NAGLU: variants seen among roughly 807,000 people sequenced by gnomAD.
NAGLU encodes alpha-N-acetylglucosaminidase.
Under a neutral mutation model 43.4 loss-of-function variants are expected in NAGLU, and 34 were observed. The ratio of observed to expected loss-of-function variants is 0.78; its 90% CI spans 0.60 to 1.04. The LOEUF (loss-of-function observed/expected upper bound fraction) is 1.04. NAGLU is among the 50% of genes least tolerant of loss of function. The probability of loss-of-function intolerance (pLI) is 0.00; values close to 1 mark genes in which losing one functional copy is unlikely to be tolerated. For synonymous variants in NAGLU, 425 were observed against 437.6 expected, an observed-to-expected ratio of 0.97 and a Z score of 0.36; for missense variants, 910 against 993.7, an observed-to-expected ratio of 0.92 and a Z score of 1.13.
Position 42,536,514 on chromosome 17 carries a change from C to A in NAGLU, c.242C>A (p.Thr81Lys). 7.9e-7 allele frequency: 1 copy of A among 1,271,430 alleles called. No homozygotes were observed. The allele number at this position is 1,271,430 out of a possible 1,614,324, so 78.8% of individuals were successfully genotyped here. Residue 81 changes from threonine to lysine, a missense_variant, in exon 1 of 6, where the codon ACG becomes AAG. Transcript: ENST00000225927. ...GCGCGCGTGCGGGTGCGCGGCTCCA[C>A]GGGCGTGGCGGCCGCCGCGGGGCTG... Reference protein sequence around the residue: ...GAARVRVRGSTGVAAAAGLHR... With the variant: ...GAARVRVRGSKGVAAAAGLHR...
At chr17:42,538,614 G>A (rs2092913544) in intron 3 of NAGLU, 56 bp from the exon 4 acceptor site, 7 of 1,611,978 alleles carry the variant, frequency 4.3e-6, no homozygotes, top group Non-Finnish European at 5.9e-6. Flanking sequence ...GGAGATGAGG[G>A]CCTTCTCATA....
At chr17:42,538,844 G>A (rs950998795) in intron 4 of NAGLU, 89 bp downstream of exon 4, 20 of 1,465,916 alleles carry the variant, frequency 1.4e-5, no homozygotes, top group Middle Eastern at 1.7e-4. Context: ...GCTCTGGGCC[G>A]GGCGCAGTGG....
Position 42,538,464 on chromosome 17 carries a change from C to T in NAGLU, c.657C>T (p.His219=), listed in dbSNP as rs779235263. Residue 219 remains histidine, a synonymous_variant, in exon 3 of 6, where the codon CAC becomes CAT. Transcript: ENST00000225927. ...ATGGCCCCCTGCCCCCCTCCTGGCA[C>T]ATCAAGCAGCTTTACCTGCAGGTAA... ...TWDGPLPPSW[H]IKQLYLQHRV... is the part of the protein sequence containing the mutation. 2 of 1,614,094 alleles carry T rather than the reference C, an allele frequency of 1.2e-6. No homozygotes were observed. Among genetic ancestry groups the T allele is most frequent in the East Asian group, 2.2e-5 (1 of 44,878 alleles).
In NAGLU at chr17:42,538,764, C is replaced by T; in HGVS notation, c.764+9C>T. ...CCCGAGGCTGTCACCAGGTGAGGTT[C>T]CGCTCACCCCCTCCACTTAGCTCAG... On this transcript the variant is annotated intron_variant, in intron 4 of 5. Coordinates refer to ENST00000225927, the MANE Select transcript of NAGLU (RefSeq NM_000263.4). 1.9e-6 allele frequency: 3 copies of T among 1,613,396 alleles called. No individual in the cohort carries two copies. The highest frequency in any genetic ancestry group is 2.5e-6 in the Non-Finnish European group (3 of 1,179,700).
chr17:42,537,948 C>A (rs2092911560), intron 2 of NAGLU, among the ~76,000 whole-genome samples: 1 of 152,064 alleles, frequency 6.6e-6, no homozygotes, highest in African/African-American at 2.4e-5. Context: ...TCACCTGGTC[C>A]CTTGGATCCA....
In NAGLU at chr17:42,543,356, G is replaced by T. The variant is rs143689867; in HGVS notation, c.1350G>T (p.Gln450His). ...GCATGGCCCCCGAGGGCATCAGCCA[G>T]AACGAAGTGGTCTATTCCCTCATGG... ...GTGMAPEGIS[Q>H]NEVVYSLMAE... is the part of the protein sequence containing the mutation. Residue 450 changes from glutamine to histidine, a missense_variant, in exon 6 of 6, where the codon CAG (glutamine) becomes CAT (histidine). Gln to His is a conservative substitution (Grantham distance 24). Transcript: ENST00000225927. 1 of 1,612,704 alleles carries T rather than the reference G, an allele frequency of 6.2e-7. No individual in the cohort carries two copies. Among genetic ancestry groups the T allele is most frequent in the East Asian group, 2.2e-5 (1 of 44,876 alleles).
Position 42,543,706 on chromosome 17 carries a change from C to T in NAGLU, c.1700C>T (p.Ala567Val), listed in dbSNP as rs1205583310. ...GACCTGCTGGACCTCACTCGGCAGG[C>T]AGTGCAGGAGCTGGTCAGCTTGTAC... is the stretch of plus-strand genomic sequence containing the variant. The part of the protein sequence containing the change: ...RYDLLDLTRQ[A>V]VQELVSLYYE... Residue 567 changes from alanine (A) to valine (V), a missense_variant, in exon 6 of 6, where the codon GCA becomes GTA. Coordinates refer to ENST00000225927, the MANE Select transcript of NAGLU (RefSeq NM_000263.4). The T allele has an allele frequency of 5.0e-6, 8 of 1,612,394 alleles. No homozygotes were observed. The highest frequency in any genetic ancestry group is 6.8e-6 in the Non-Finnish European group (8 of 1,179,996).
At position 42,536,302 on chromosome 17, in the gene NAGLU, G is replaced by T. The variant is rs1244442641; in HGVS notation, c.30G>T (p.Val10=). MEAVAVAAA[V]GVLLLAGAGG... ...AGGCGGTGGCGGTGGCCGCGGCGGT[G>T]GGGGTCCTTCTCCTGGCCGGGGCCG... The change falls in exon 1 of 6, where the codon GTG becomes GTT. Residue 10 remains valine, a synonymous_variant. Coordinates refer to ENST00000225927, the MANE Select transcript of NAGLU (RefSeq NM_000263.4). The T allele has an allele frequency of 3.3e-6, 4 of 1,218,822 alleles. No individual in the cohort carries two copies. The South Asian group carries it at 1.7e-4, about 50-fold the overall frequency. 75.5% of individuals were successfully genotyped at this position (1,218,822 alleles called of 1,614,324 possible).
intron 1 of NAGLU, 131 bp downstream of exon 1, chr17:42,536,786 G>A (rs2092907617): frequency 2.2e-6 from 3 of 1,336,102 alleles, no homozygotes; most frequent in Middle Eastern, 2.8e-4. Flanking sequence ...CAGCAGCTGT[G>A]TGGCCTTGAG....
At chr17:42,540,556 T>C (rs2092918777) in intron 4 of NAGLU, among the ~76,000 whole-genome samples, 1 of 150,538 alleles carries the variant, frequency 6.6e-6, no homozygotes, top group African/African-American at 2.4e-5. Context: ...ATTAGCCGGG[T>C]GTGGTGGCGG....
intron 2 of NAGLU, 92 bp downstream of exon 2, chr17:42,537,637 T>G: frequency 6.6e-7 from 1 of 1,521,144 alleles, no homozygotes; most frequent in Non-Finnish European, 8.9e-7. Flanking sequence ...GCAGTGTCTC[T>G]CTCTAGAAGT....
Position 42,537,463 on chromosome 17 carries a change from G to A in NAGLU, c.449G>A (p.Trp150Ter). Reference sequence around the variant, plus strand: ...TTCGTGTGGTGGGACTGGGCCCGCTGGGAGCGAGAGATAGACTGGATGGCG... The same window carrying A: ...TTCGTGTGGTGGGACTGGGCCCGCTAGGAGCGAGAGATAGACTGGATGGCG... ...YSFVWWDWAR[W>*]EREIDWMALN... is the part of the protein sequence containing the mutation. The change falls in exon 2 of 6, where the codon TGG (tryptophan) becomes TAG (stop). Residue 150 changes from tryptophan to a stop codon, truncating the protein, a stop_gained. Coordinates refer to ENST00000225927, the MANE Select transcript of NAGLU (RefSeq NM_000263.4). LOFTEE classifies it high-confidence loss of function. The A allele has an allele frequency of 6.2e-7, 1 of 1,614,242 alleles. No homozygotes were observed. The highest frequency in any genetic ancestry group is 8.5e-7 in the Non-Finnish European group (1 of 1,180,032).
At position 42,537,114 on chromosome 17, in the gene NAGLU, A is replaced by C. The variant is rs79217463; in HGVS notation, c.384-284A>C. 8,160 of 484,016 alleles carry C rather than the reference A, an allele frequency of 0.017. 104 individuals carry two copies. Among genetic ancestry groups the C allele is most frequent in the East Asian group, 0.05 (1,215 of 24,518 alleles). The allele number at this position is 484,016 out of a possible 1,614,324, so 30.0% of individuals were successfully genotyped here. ...GGGCAGGGATTCCCCGTTCCAGGAA[A>C]ACACCGTGCAGAGGAGGGGCTCTGG... On this transcript the variant is annotated intron_variant, in intron 1 of 5. Transcript: ENST00000225927.
chr17:42,536,308 C>T lies in NAGLU; in HGVS notation c.36C>T (p.Val12=), dbSNP rs1216969402. The change falls in exon 1 of 6, where the codon GTC becomes GTT. Residue 12 remains valine (V), a synonymous_variant. Transcript: ENST00000225927. ...EAVAVAAAVG[V]LLLAGAGGAA... ...TGGCGGTGGCCGCGGCGGTGGGGGT[C>T]CTTCTCCTGGCCGGGGCCGGGGGCG... is the stretch of plus-strand genomic sequence containing the variant. The T allele has an allele frequency of 4.9e-6, 6 of 1,219,158 alleles. No individual in the cohort carries two copies. Among genetic ancestry groups the T allele is most frequent in the Non-Finnish European group, 6.1e-6 (6 of 980,232 alleles). 75.5% of individuals were successfully genotyped at this position (1,219,158 alleles called of 1,614,324 possible).
In NAGLU at chr17:42,537,573, C is replaced by T. The variant is rs753578034; in HGVS notation, c.531+28C>T. On this transcript the variant is annotated intron_variant, in intron 2 of 5. Transcript: ENST00000225927. ...GCGTGCCCACTGTCCCTTCCCCACCCTCCTCTATGGCGGGAGCCACCGTAG... is the reference window on the plus strand; with the variant it reads ...GCGTGCCCACTGTCCCTTCCCCACCTTCCTCTATGGCGGGAGCCACCGTAG... The T allele has an allele frequency of 2.5e-6, 4 of 1,612,000 alleles. No individual in the cohort carries two copies. In the South Asian group the frequency reaches 4.4e-5, roughly 18 times the overall value.
chr17:42,543,947 C>A lies in NAGLU; in HGVS notation c.1941C>A (p.Thr647=), dbSNP rs1599262123. The stretch of plus-strand genomic sequence containing the variant: ...AGCAGAACAGCCGCTACCAGCTGAC[C>A]TTGTGGGGGCCAGAAGGCAACATCC... ...FYEQNSRYQL[T]LWGPEGNILD... The change falls in exon 6 of 6, where the codon ACC becomes ACA. Residue 647 remains threonine, a synonymous_variant. Transcript: ENST00000225927. 1.2e-6 allele frequency: 2 copies of A among 1,609,062 alleles called. No homozygotes were observed. Among genetic ancestry groups the A allele is most frequent in the Non-Finnish European group, 1.7e-6 (2 of 1,177,722 alleles).
intron 3 of NAGLU, 53 bp downstream of exon 3, chr17:42,538,538 C>T (rs2092913242): frequency 1.2e-6 from 2 of 1,613,152 alleles, no homozygotes; most frequent in African/African-American, 2.7e-5. Context: ...GGTCATGGGC[C>T]CAGGAAGGGT....
chr17:42,538,874 C>A, intron 4 of NAGLU, 119 bp downstream of exon 4: 2 of 1,229,412 alleles, frequency 1.6e-6, no homozygotes, highest in Non-Finnish European at 2.3e-6. Flanking sequence ...GTAATCCCAG[C>A]ACTTTGGGAG....
rs1294766961 is a variant in NAGLU, at chr17:42,543,008, C to T, written c.1022-20C>T. ...GTTTCATCACTCCTCTTCTCTGTTC[C>T]CCCTACCTCCTGTCCACAGTGGATA... On this transcript the variant is annotated intron_variant, in intron 5 of 5. Coordinates refer to ENST00000225927, the MANE Select transcript of NAGLU (RefSeq NM_000263.4). The T allele has an allele frequency of 1.0e-5, 16 of 1,599,266 alleles. No individual in the cohort carries two copies. Among genetic ancestry groups the T allele is most frequent in the Non-Finnish European group, 1.4e-5 (16 of 1,179,942 alleles).
Sources: gnomAD v4.1 joint callset for allele counts (sites outside exome capture counted in the v4.1 genomes callset) on GRCh38, gnomAD v4.1.1 for gene constraint, MANE v1.5 for transcripts, NCBI Gene and HGNC (gene_info 2026-07-23, HGNC 2026-07-21) for gene names.